The following ST18 variants were observed in gnomAD, a reference collection of about 807,000 sequenced individuals.
ST18 encodes suppression of tumorigenicity 18 protein.
ST18 carries 50 observed loss-of-function variants against 110.0 expected under a neutral mutation model. That is an observed-to-expected ratio of 0.45 (90% CI 0.36 to 0.58). The LOEUF (loss-of-function observed/expected upper bound fraction) is 0.58. Among genes scored for constraint, ST18 ranks in the 20% least tolerant of loss-of-function variants. The pLI is 0.00. For synonymous variants in ST18, 461 were observed against 452.4 expected, an observed-to-expected ratio of 1.02 and a Z score of -0.24; for missense variants, 1,306 against 1,280.1, an observed-to-expected ratio of 1.02 and a Z score of -0.31.
At chr8:52,139,198 A>G (rs1199034867) in intron 17 of ST18, among the ~76,000 whole-genome samples, 1 of 152,162 alleles carries the variant, frequency 6.6e-6, no homozygotes, top group Non-Finnish European at 1.5e-5. Flanking sequence ...TTCACTCACT[A>G]AATGTAAAAA....
At chr8:52,162,425 G>A (rs1345348898) in intron 13 of ST18, among the ~76,000 whole-genome samples, 1 of 152,230 alleles carries the variant, frequency 6.6e-6, no homozygotes, top group African/African-American at 2.4e-5. Flanking sequence ...AAGAGGGGCA[G>A]TACAGACACC....
chr8:52,184,816 C>G (rs2071351960), intron 8 of ST18, among the ~76,000 whole-genome samples: 1 of 152,172 alleles, frequency 6.6e-6, no homozygotes, highest in Non-Finnish European at 1.5e-5. Context: ...TTGTGAACCT[C>G]TGAGTCCAAG....
chr8:52,142,003 G>C (rs1021028558), intron 17 of ST18, among the ~76,000 whole-genome samples: 9 of 152,188 alleles, frequency 5.9e-5, no homozygotes, highest in African/African-American at 2.2e-4. Context: ...GAGTCCAGAG[G>C]TGAGGCATCC....
At chr8:52,170,510 G>T (rs553145085) in intron 10 of ST18, among the ~76,000 whole-genome samples, 82 of 151,638 alleles carry the variant, frequency 5.4e-4, no homozygotes, top group African/African-American at 1.9e-3. Flanking sequence ...ATGGAGAAAT[G>T]ATATCTCTTA....
rs71915660 is a variant in ST18 at position 52,180,668 on chromosome 8, C to CAA, written c.87-358_87-357dup. ...AATGTGAAAAATATACCACCAGATACAAAAAAAAAATGTGCCCAGTATGGA... is the reference window on the plus strand; with the variant it reads ...AATGTGAAAAATATACCACCAGATACAAAAAAAAAAAATGTGCCCAGTATGGA... On this transcript the variant is annotated intron_variant, in intron 8 of 25. Transcript: ENST00000689386. 6.8e-5 allele frequency among the ~76,000 whole-genome samples: 10 copies of CAA among 147,810 alleles called. No homozygotes were observed. In the East Asian group the frequency reaches 1.6e-3, roughly 23 times the overall value.
chr8:52,166,777 T>C (rs2063145166), intron 11 of ST18, 75 bp downstream of exon 11: 2 of 1,389,458 alleles, frequency 1.4e-6, no homozygotes, highest in Non-Finnish European at 1.9e-6. Flanking sequence ...AATTCCAAAT[T>C]GGGAGACAAA....
At chr8:52,203,527 G>T (rs966063154) in intron 8 of ST18, among the ~76,000 whole-genome samples, 6 of 152,034 alleles carry the variant, frequency 3.9e-5, no homozygotes, top group African/African-American at 1.5e-4. Context: ...CAACATTATG[G>T]GACACATTTT....
At chr8:52,346,405 C>T (rs1817791214) in intron 2 of ST18, among the ~76,000 whole-genome samples, 1 of 151,882 alleles carries the variant, frequency 6.6e-6, no homozygotes, top group African/African-American at 2.4e-5. Context: ...TGAAAAAATC[C>T]CTTGAAAAAC....
intron 2 of ST18, among the ~76,000 whole-genome samples, chr8:52,357,659 A>C (rs1823369803): frequency 7.5e-6 from 1 of 133,560 alleles, no homozygotes. Flanking sequence ...ACACATAACA[A>C]ATCCCCAAAA....
intron 23 of ST18, among the ~76,000 whole-genome samples, chr8:52,120,096 C>T (rs1395066758): frequency 6.6e-6 from 1 of 152,146 alleles, no homozygotes; most frequent in East Asian, 1.9e-4. Context: ...CCAGCTGTGT[C>T]TGGAGAATTG....
chr8:52,289,957 A>C (rs1266888825), intron 2 of ST18, among the ~76,000 whole-genome samples: 1 of 151,796 alleles, frequency 6.6e-6, no homozygotes, highest in East Asian at 1.9e-4. Flanking sequence ...ATGATGGTTC[A>C]GAGAAGTAAA....
At chr8:52,230,663 T>G (rs1346837830) in intron 2 of ST18, among the ~76,000 whole-genome samples, 1 of 141,096 alleles carries the variant, frequency 7.1e-6, no homozygotes, top group African/African-American at 2.9e-5. Context: ...TTCAAAAGGA[T>G]TTTTTTTAAA....
rs931708080 is a variant in ST18 at position 52,283,936 on chromosome 8, G to A, written c.-464-53859C>T. ...TTCTACAAGAGTAGAAACTTTTGTC[G>A]TGAATGAACATGGCAAATCCATGGT... On this transcript the variant is annotated intron_variant, in intron 2 of 25. Coordinates refer to ENST00000689386, the MANE Select transcript of ST18 (RefSeq NM_001352837.2). Among the ~76,000 whole-genome samples the A allele has an allele frequency of 4.6e-5, 7 of 152,322 alleles. No homozygotes were observed. The East Asian group carries it at 5.8e-4, about 13-fold the overall frequency.
Position 52,116,341 on chromosome 8 carries a change from C to A in ST18, c.2937G>T (p.Leu979=). ...CTTGGCTTAGACCTGCCAGCTCTTT[C>A]AGCAGACTTTCATTGTTCTGTTCTA... ...KLIEQNNESL[L]KELAGLSQAL... is the part of the protein sequence containing the mutation. Residue 979 remains leucine (L), a synonymous_variant, in exon 25 of 26, where the codon CTG becomes CTT. Coordinates refer to ENST00000689386, the MANE Select transcript of ST18 (RefSeq NM_001352837.2). The A allele has an allele frequency of 6.2e-7, 1 of 1,614,042 alleles. No individual in the cohort carries two copies.
chr8:52,288,056 T>G (rs550462216), intron 2 of ST18, among the ~76,000 whole-genome samples: 1 of 152,314 alleles, frequency 6.6e-6, no homozygotes, highest in South Asian at 2.1e-4. Flanking sequence ...CCAACTAATC[T>G]GAGAGCAATC....
At chr8:52,160,775 T>C (rs76681571) in intron 14 of ST18, among the ~76,000 whole-genome samples, 1,944 of 152,354 alleles carry the variant, frequency 0.013, 49 homozygotes, top group African/African-American at 0.045. Flanking sequence ...ATGGATGTGT[T>C]AGCATTAAAG....
intron 8 of ST18, among the ~76,000 whole-genome samples, chr8:52,202,415 GT>G (rs201165664): frequency 1.3e-4 from 20 of 150,130 alleles, no homozygotes; most frequent in South Asian, 6.3e-4. Flanking sequence ...ATATGATAAA[GT>G]TTTTTTTTTA....
intron 2 of ST18, among the ~76,000 whole-genome samples, chr8:52,308,318 T>G (rs543524669): frequency 6.6e-6 from 1 of 152,384 alleles, no homozygotes; most frequent in East Asian, 1.9e-4. Context: ...ATTGGCATTT[T>G]GTATCTTGTA....
chr8:52,122,510 TCTCA>T (rs1414719309), intron 23 of ST18, among the ~76,000 whole-genome samples: 1 of 151,966 alleles, frequency 6.6e-6, no homozygotes, highest in African/African-American at 2.4e-5. Context: ...TTAGATGGAG[TCTCA>T]CTCTGTCACC....
Sources: allele counts gnomAD v4.1 joint callset (sites outside exome capture counted in the v4.1 genomes callset), GRCh38; gene constraint gnomAD v4.1.1; transcripts MANE v1.5; gene names NCBI Gene and HGNC (gene_info 2026-07-23, HGNC 2026-07-21).